The following PDPN variants were observed in gnomAD, a reference collection of about 807,000 sequenced individuals.
The protein encoded by PDPN is PA2.26 antigen.
A neutral mutation model predicts 23.2 loss-of-function variants in PDPN; 12 were observed. That is an observed-to-expected ratio of 0.52 (90% CI 0.33 to 0.84). PDPN has a LOEUF of 0.84. Ranked by LOEUF, PDPN falls within the 40% of genes least tolerant of loss-of-function variation. PDPN has a pLI of 0.02. For missense variants in PDPN, 199 were observed against 212.2 expected, an observed-to-expected ratio of 0.94 and a Z score of 0.39; for synonymous variants, 77 against 76.7, an observed-to-expected ratio of 1.00 and a Z score of -0.02.
chr1:13,593,550 A>G (rs554630087), intron 1 of PDPN, among the ~76,000 whole-genome samples: 2 of 152,316 alleles, frequency 1.3e-5, no homozygotes, highest in East Asian at 3.9e-4. Flanking sequence ...GATTGAGGCC[A>G]AGGGACGCTA....
At chr1:13,589,187 T>C (rs961046706) in intron 1 of PDPN, among the ~76,000 whole-genome samples, 2 of 152,180 alleles carry the variant, frequency 1.3e-5, no homozygotes, top group Non-Finnish European at 2.9e-5. Flanking sequence ...GGAAATTTAT[T>C]CCACCCGACA....
chr1:13,592,778 G>A (rs935818961), intron 1 of PDPN, among the ~76,000 whole-genome samples: 6 of 151,474 alleles, frequency 4.0e-5, no homozygotes, highest in South Asian at 2.1e-4. Context: ...TCAAACTCCC[G>A]ACCTCAGGTG....
At chr1:13,604,892 C>G (rs983227411) in intron 1 of PDPN, among the ~76,000 whole-genome samples, 6 of 152,168 alleles carry the variant, frequency 3.9e-5, no homozygotes, top group African/African-American at 1.4e-4. Flanking sequence ...ACCTCTACCC[C>G]TACTCCAGCA....
Position 13,617,279 on chromosome 1 carries a change from CTA to C in PDPN, c.*1370_*1371del, listed in dbSNP as rs1641096731. ...CATTCATAAAACAGGAAAAAGTAAA[CTA>C]TCATTCGGAAGCACAGCCCATTCCT... On this transcript the variant is annotated 3_prime_UTR_variant, in exon 6 of 6. Coordinates refer to ENST00000621990, the MANE Select transcript of PDPN (RefSeq NM_006474.5). The C allele has an allele frequency of 6.6e-6, 1 of 151,848 alleles. No individual in the cohort carries two copies. Among genetic ancestry groups the C allele is most frequent in the African/African-American group, 2.4e-5 (1 of 41,296 alleles). 9.4% of individuals were successfully genotyped at this position (151,848 alleles called of 1,614,324 possible). A position where few individuals can be genotyped will look rare whatever the true frequency, so the allele number is the denominator to read the frequency against.
In PDPN at chr1:13,614,409, C is replaced by T. The variant is rs1641015540; in HGVS notation, c.480C>T (p.Tyr160=). The T allele has an allele frequency of 6.7e-7, 1 of 1,491,440 alleles. No individual in the cohort carries two copies. The highest frequency in any genetic ancestry group is 1.4e-5 in the African/African-American group (1 of 72,486). 92.4% of individuals were successfully genotyped at this position (1,491,440 alleles called of 1,614,324 possible). A position where few individuals can be genotyped will look rare whatever the true frequency, so the allele number is the denominator to read the frequency against. The change falls in exon 5 of 6, where the codon TAC becomes TAT. Residue 160 remains tyrosine (Y), a splice_region_variant and synonymous_variant. Coordinates refer to ENST00000621990, the MANE Select transcript of PDPN (RefSeq NM_006474.5). The part of the protein sequence containing the change: ...VVVMRKMSGR[Y]SP ...TTATGCGAAAAATGTCGGGAAGGTA[C>T]TCGTAAGTAAATAGCTTACACCCAT...
At chr1:13,594,830 CAAA>C in intron 1 of PDPN, among the ~76,000 whole-genome samples, 1 of 130,598 alleles carries the variant, frequency 7.7e-6, no homozygotes, top group Admixed American at 7.8e-5. Flanking sequence ...ACTAAAAATA[CAAA>C]AAAAAAAAAA....
At chr1:13,599,301 C>T (rs765052027) in intron 1 of PDPN, among the ~76,000 whole-genome samples, 6 of 151,154 alleles carry the variant, frequency 4.0e-5, no homozygotes, top group Admixed American at 6.6e-5. Context: ...CGTAAGCCAC[C>T]ATGCCCGGCC....
At chr1:13,608,796 A>T (rs1326959049) in intron 2 of PDPN, among the ~76,000 whole-genome samples, 2 of 152,170 alleles carry the variant, frequency 1.3e-5, no homozygotes, top group Non-Finnish European at 1.5e-5. Flanking sequence ...TACTGTGTCC[A>T]TTGGCTGGAG....
In PDPN at chr1:13,585,367, T is replaced by C. The variant is rs947605700; in HGVS notation, c.67+1267T>C. ...GCTTCAAAGGGACTGAGCAACTCTT[T>C]TTATAGGGGCCGTGGGTTATTCGTA... On this transcript the variant is annotated intron_variant, in intron 1 of 5. Coordinates refer to ENST00000621990, the MANE Select transcript of PDPN (RefSeq NM_006474.5). 1.2e-5 allele frequency: 7 copies of C among 577,996 alleles called. No individual in the cohort carries two copies. The African/African-American group carries it at 1.4e-4, about 11-fold the overall frequency. The allele number at this position is 577,996 out of a possible 1,614,324, so 35.8% of individuals were successfully genotyped here.
chr1:13,607,179 C>G lies in PDPN; in HGVS notation c.74C>G (p.Thr25Arg). 1 of 1,613,924 alleles carries G rather than the reference C, an allele frequency of 6.2e-7. No individual in the cohort carries two copies. The highest frequency in any genetic ancestry group is 8.5e-7 in the Non-Finnish European group (1 of 1,179,884). The change falls in exon 2 of 6, where the codon ACA (threonine) becomes AGA (arginine). Residue 25 changes from threonine to arginine, a missense_variant. Physicochemically the swap from Thr to Arg is moderately conservative, Grantham distance 71 (BLOSUM62 -1). Coordinates refer to ENST00000621990, the MANE Select transcript of PDPN (RefSeq NM_006474.5). ...CTCAATCTTTCTTCTTCAGCCAGCA[C>G]AGGCCAGCCAGAAGATGACACTGAG... ...SLWVLAEGASTGQPEDDTETT... is the reference protein window; with the variant it reads ...SLWVLAEGASRGQPEDDTETT...
In PDPN at chr1:13,607,258, G is replaced by A; in HGVS notation, c.153G>A (p.Val51=). ...VAMPGAEDDV[V]TPGTSEDRYK... Reference sequence around the variant, plus strand: ...TGCCAGGTGCCGAAGATGATGTGGTGACTCCAGGAACCAGCGAAGACCGCT... The same window carrying A: ...TGCCAGGTGCCGAAGATGATGTGGTAACTCCAGGAACCAGCGAAGACCGCT... The change falls in exon 2 of 6, where the codon GTG becomes GTA. Residue 51 remains valine (V), a synonymous_variant. Coordinates refer to ENST00000621990, the MANE Select transcript of PDPN (RefSeq NM_006474.5). 1 of 1,614,166 alleles carries A rather than the reference G, an allele frequency of 6.2e-7. No individual in the cohort carries two copies. Among genetic ancestry groups the A allele is most frequent in the East Asian group, 2.2e-5 (1 of 44,880 alleles).
At chr1:13,589,464 C>CT (rs1002490535) in intron 1 of PDPN, among the ~76,000 whole-genome samples, 1 of 152,148 alleles carries the variant, frequency 6.6e-6, no homozygotes, top group Non-Finnish European at 1.5e-5. Context: ...GTTAATAGCG[C>CT]TAACAATATA....
intron 1 of PDPN, among the ~76,000 whole-genome samples, chr1:13,587,618 C>G (rs745608469): frequency 5.3e-5 from 8 of 152,110 alleles, no homozygotes; most frequent in African/African-American, 1.9e-4. Flanking sequence ...AGGGAAGTAC[C>G]CAGTGTGCAC....
chr1:13,600,224 A>G (rs1446954374), intron 1 of PDPN, among the ~76,000 whole-genome samples: 3 of 152,208 alleles, frequency 2.0e-5, no homozygotes, highest in Non-Finnish European at 4.4e-5. Context: ...GGGAGGCAGC[A>G]GGCATTTTAG....
chr1:13,614,489 A>G (rs1641017719), intron 5 of PDPN, 78 bp downstream of exon 5: 1 of 812,036 alleles, frequency 1.2e-6, no homozygotes, highest in Non-Finnish European at 2.1e-6. Flanking sequence ...GAACTAATAG[A>G]AATCTCTGAT....
In PDPN at chr1:13,615,969, CTG is replaced by C. The variant is rs1033610819; in HGVS notation, c.*61_*62del. On this transcript the variant is annotated 3_prime_UTR_variant, in exon 6 of 6. Coordinates refer to ENST00000621990, the MANE Select transcript of PDPN (RefSeq NM_006474.5). ...GCTTAAAAAAAGACCGTTTCTGACT[CTG>C]TGCCCTGTCCCTGAGCTCGTGGGAG... 1.6e-5 allele frequency: 24 copies of C among 1,542,774 alleles called. No individual in the cohort carries two copies. In the African/African-American group the frequency reaches 2.7e-4, roughly 17 times the overall value.
intron 2 of PDPN, among the ~76,000 whole-genome samples, chr1:13,609,207 GCTAGTCTAGT>G (rs1005645196): frequency 6.6e-6 from 1 of 152,066 alleles, no homozygotes; most frequent in Admixed American, 6.5e-5. Flanking sequence ...TTTTCCTAAG[GCTAGTCTAGT>G]CTAGTCTAGA....
chr1:13,605,805 T>C (rs536864927), intron 1 of PDPN, among the ~76,000 whole-genome samples: 4 of 152,210 alleles, frequency 2.6e-5, no homozygotes, highest in Non-Finnish European at 4.4e-5. Flanking sequence ...GTATTTTTAG[T>C]AGAGATGGGA....
chr1:13,595,851 G>A, intron 1 of PDPN: 1 of 1,287,224 alleles, frequency 7.8e-7, no homozygotes, highest in Non-Finnish European at 1.0e-6. Context: ...CAACTCGGGG[G>A]TGAAGCCTGG....
Sources: gnomAD v4.1 joint callset for allele counts (sites outside exome capture counted in the v4.1 genomes callset) on GRCh38, gnomAD v4.1.1 for gene constraint, MANE v1.5 for transcripts, NCBI Gene and HGNC (gene_info 2026-07-23, HGNC 2026-07-21) for gene names.